SHANK2: variants seen among roughly 807,000 people sequenced by gnomAD.
SHANK2 encodes SH3 and multiple ankyrin repeat domains protein 2.
A neutral mutation model predicts 133.7 loss-of-function variants in SHANK2; 43 were observed. The observed-to-expected ratio is 0.32, with a 90% CI of 0.25 to 0.41. The LOEUF (loss-of-function observed/expected upper bound fraction) is 0.41. Ranked by LOEUF, SHANK2 falls within the 10% of genes least tolerant of loss-of-function variation. The pLI is 1.00. For synonymous variants in SHANK2, 1,017 were observed against 952.8 expected (o/e 1.07, Z -1.24); for missense variants, 1,994 against 2,235.8 (o/e 0.89, Z 2.18).
intron 14 of SHANK2, among the ~76,000 whole-genome samples, chr11:70,722,148 T>C (rs1438354013): frequency 6.6e-6 from 1 of 152,252 alleles, no homozygotes; most frequent in Non-Finnish European, 1.5e-5. Context: ...TGCTGTCTCT[T>C]GGTACTCAGC....
At chr11:70,892,076 T>A (rs1949854076) in intron 11 of SHANK2, among the ~76,000 whole-genome samples, 1 of 152,144 alleles carries the variant, frequency 6.6e-6, no homozygotes, top group Non-Finnish European at 1.5e-5. Context: ...GAGAGACCAC[T>A]GTGAGCTACA....
chr11:71,193,905 T>C (rs558522772), intron 2 of SHANK2, among the ~76,000 whole-genome samples: 2 of 152,304 alleles, frequency 1.3e-5, no homozygotes, highest in East Asian at 1.9e-4. Flanking sequence ...CCCACCCTAC[T>C]GGCCTCATTT....
At chr11:70,785,431 A>T (rs782715824) in intron 14 of SHANK2, among the ~76,000 whole-genome samples, 5 of 150,962 alleles carry the variant, frequency 3.3e-5, no homozygotes, top group Non-Finnish European at 5.9e-5. Flanking sequence ...CCCTTACCTA[A>T]CTCTCCTCTC....
chr11:70,928,663 C>T (rs1421704125), intron 10 of SHANK2, among the ~76,000 whole-genome samples: 2 of 151,904 alleles, frequency 1.3e-5, no homozygotes, highest in African/African-American at 2.4e-5. Flanking sequence ...GGAGGAAGAA[C>T]CAGCCCCTCC....
rs890335942 is a variant in SHANK2, at chr11:71,065,101, T to C, written c.1030-8543A>G. Among the ~76,000 whole-genome samples the C allele has an allele frequency of 2.0e-5, 3 of 151,802 alleles. No homozygotes were observed. The East Asian group carries it at 5.8e-4, about 29-fold the overall frequency. The stretch of plus-strand genomic sequence containing the variant: ...GGGGACAGAGACGGGACCTTGGAAG[T>C]GCCATGTGGGTGTGACTGGGTTTGA... On this transcript the variant is annotated intron_variant, in intron 9 of 25. Coordinates refer to ENST00000601538, the MANE Select transcript of SHANK2 (RefSeq NM_012309.5).
chr11:70,590,630 C>T (rs868970956), intron 17 of SHANK2, among the ~76,000 whole-genome samples: 4 of 152,170 alleles, frequency 2.6e-5, no homozygotes, highest in Non-Finnish European at 4.4e-5. Flanking sequence ...TATGATGACT[C>T]GCCGAAGGCT....
At chr11:70,489,944 G>C in intron 23 of SHANK2, 1 of 376,444 alleles carries the variant, frequency 2.7e-6, no homozygotes, top group Admixed American at 3.7e-5. Context: ...GCAGGGCAGG[G>C]TGGGGGAGGG....
intron 21 of SHANK2, among the ~76,000 whole-genome samples, chr11:70,499,670 G>C (rs1274702899): frequency 2.6e-5 from 4 of 152,206 alleles, no homozygotes; most frequent in Non-Finnish European, 5.9e-5. Flanking sequence ...CTGTACCCCG[G>C]GTGTCCACCA....
At chr11:70,478,625 G>A (rs1555150740) in intron 25 of SHANK2, among the ~76,000 whole-genome samples, 3 of 152,184 alleles carry the variant, frequency 2.0e-5, no homozygotes, top group Non-Finnish European at 1.5e-5. Flanking sequence ...GTGGGGACTG[G>A]AGCCCATATT....
chr11:70,476,779 CTG>C (rs1454902836), intron 25 of SHANK2, among the ~76,000 whole-genome samples: 2 of 152,208 alleles, frequency 1.3e-5, no homozygotes, highest in Non-Finnish European at 2.9e-5. Context: ...TACATGGTGA[CTG>C]TGCCTGCAGC....
At chr11:70,769,087 C>T (rs1201083202) in intron 14 of SHANK2, among the ~76,000 whole-genome samples, 2 of 152,146 alleles carry the variant, frequency 1.3e-5, no homozygotes, top group Admixed American at 6.5e-5. Context: ...GCTTTATTCC[C>T]TGGAACGCAG....
At chr11:71,170,171 AT>A (rs1215583124) in intron 2 of SHANK2, among the ~76,000 whole-genome samples, 1 of 151,932 alleles carries the variant, frequency 6.6e-6, no homozygotes. Flanking sequence ...ATACATCCAA[AT>A]TTTTTTTCTG....
At chr11:70,824,869 G>C (rs190341687) in intron 11 of SHANK2, among the ~76,000 whole-genome samples, 2 of 152,266 alleles carry the variant, frequency 1.3e-5, no homozygotes, top group South Asian at 4.1e-4. Flanking sequence ...CTCAGAGAGC[G>C]ATTATCTTTC....
At chr11:71,070,353 G>A (rs1026599276) in intron 9 of SHANK2, among the ~76,000 whole-genome samples, 43 of 152,350 alleles carry the variant, frequency 2.8e-4, no homozygotes, top group African/African-American at 1.0e-3. Flanking sequence ...CAGAGGTCAA[G>A]GGGCCAACCA....
intron 15 of SHANK2, among the ~76,000 whole-genome samples, chr11:70,679,514 G>A (rs782084065): frequency 2.0e-5 from 3 of 152,238 alleles, no homozygotes; most frequent in African/African-American, 7.2e-5. Context: ...CAGCAGCGGA[G>A]GCTTCCAGCC....
intron 17 of SHANK2, among the ~76,000 whole-genome samples, chr11:70,564,087 T>A (rs887622910): frequency 4.6e-5 from 7 of 152,086 alleles, no homozygotes; most frequent in Admixed American, 4.6e-4. Flanking sequence ...TTTGTCCTTA[T>A]CTCTAATTTG....
At chr11:70,906,220 T>G (rs141256083) in intron 10 of SHANK2, among the ~76,000 whole-genome samples, 103 of 152,340 alleles carry the variant, frequency 6.8e-4, no homozygotes, top group African/African-American at 2.3e-3. Context: ...AAGCCCTGCC[T>G]TCCTGCTCAG....
chr11:70,788,758 A>G (rs1947722999), intron 14 of SHANK2, among the ~76,000 whole-genome samples: 1 of 152,148 alleles, frequency 6.6e-6, no homozygotes, highest in Admixed American at 6.5e-5. Flanking sequence ...TTTAAACTCC[A>G]AGTGTGTCCT....
intron 17 of SHANK2, among the ~76,000 whole-genome samples, chr11:70,627,843 C>A (rs1374893502): frequency 6.6e-6 from 1 of 152,174 alleles, no homozygotes; most frequent in African/African-American, 2.4e-5. Context: ...TGTTGATGCT[C>A]AAAAAGTTTG....
Sources: allele counts gnomAD v4.1 joint callset (sites outside exome capture counted in the v4.1 genomes callset), GRCh38; gene constraint gnomAD v4.1.1; transcripts MANE v1.5; gene names NCBI Gene and HGNC (gene_info 2026-07-23, HGNC 2026-07-21).